The following ZC3HAV1 variants were observed in gnomAD, a reference collection of about 807,000 sequenced individuals.
ZC3HAV1 encodes zinc finger CCCH-type containing, antiviral 1.
Under a neutral mutation model 86.6 loss-of-function variants are expected in ZC3HAV1, and 41 were observed. That is an observed-to-expected ratio of 0.47 (90% CI 0.37 to 0.61). The LOEUF (loss-of-function observed/expected upper bound fraction) is 0.61. Among genes scored for constraint, ZC3HAV1 ranks in the 20% least tolerant of loss-of-function variants. The pLI is 0.00. For synonymous variants in ZC3HAV1, 421 were observed against 432.1 expected, an observed-to-expected ratio of 0.97 and a Z score of 0.32; for missense variants, 964 against 1,141.1, an observed-to-expected ratio of 0.84 and a Z score of 2.24.
In ZC3HAV1 at chr7:139,109,284, G is replaced by A. The variant is rs960207716; in HGVS notation, c.48C>T (p.Ala16=). 1.4e-5 allele frequency: 23 copies of A among 1,610,854 alleles called. No individual in the cohort carries two copies. Among genetic ancestry groups the A allele is most frequent in the Non-Finnish European group, 8.5e-7 (1 of 1,179,260 alleles). The part of the protein sequence containing the change: ...VCCFITKILC[A]HGGRMALDAL... ...CGTCCAGGGCCATGCGGCCCCCGTG[G>A]GCGCACAGGATTTTGGTGATGAAGC... Residue 16 remains alanine (A), a synonymous_variant, in exon 1 of 13, where the codon GCC becomes GCT. Coordinates refer to ENST00000242351, the MANE Select transcript of ZC3HAV1 (RefSeq NM_020119.4).
At chr7:139,053,935 G>T (rs776007931) in intron 11 of ZC3HAV1, 30 bp downstream of exon 11, 1 of 1,589,704 alleles carries the variant, frequency 6.3e-7, no homozygotes, top group Admixed American at 1.9e-5. Context: ...CCGGTTTTAT[G>T]TAAAGAAACA....
chr7:139,070,928 G>T (rs1335075368), intron 7 of ZC3HAV1, among the ~76,000 whole-genome samples: 1 of 151,616 alleles, frequency 6.6e-6, no homozygotes, highest in East Asian at 1.9e-4. Flanking sequence ...GCTGCAGTGA[G>T]CCGAGATCAC....
In ZC3HAV1 at chr7:139,047,382, G is replaced by T. The variant is rs983516944; in HGVS notation, c.*212C>A. On this transcript the variant is annotated 3_prime_UTR_variant, in exon 13 of 13. Coordinates refer to ENST00000242351, the MANE Select transcript of ZC3HAV1 (RefSeq NM_020119.4). Reference sequence around the variant, plus strand: ...CTGCCTGGCGCTGACGCCCAGAAATGATTTCATTGGCATGGGGTGCAACCT... The same window carrying T: ...CTGCCTGGCGCTGACGCCCAGAAATTATTTCATTGGCATGGGGTGCAACCT... 6 of 524,336 alleles carry T rather than the reference G, an allele frequency of 1.1e-5. No individual in the cohort carries two copies. The highest frequency in any genetic ancestry group is 4.0e-5 in the Admixed American group (1 of 24,870). The allele number at this position is 524,336 out of a possible 1,614,324, so 32.5% of individuals were successfully genotyped here.
At position 139,084,116 on chromosome 7, in the gene ZC3HAV1, A is replaced by G. The variant is rs969527669; in HGVS notation, c.445-84T>C. 7.2e-6 allele frequency: 11 copies of G among 1,535,988 alleles called. No individual in the cohort carries two copies. In the African/African-American group the frequency reaches 1.5e-4, roughly 21 times the overall value. On this transcript the variant is annotated intron_variant, in intron 2 of 12. Transcript: ENST00000242351. ...TCATTAAGGCAAGCTCACGTGTGCA[A>G]AAATCTCTGAAGCAAGCAGAGATAT...
At chr7:139,092,392 G>A (rs1033782927) in intron 1 of ZC3HAV1, among the ~76,000 whole-genome samples, 1 of 152,216 alleles carries the variant, frequency 6.6e-6, no homozygotes, top group African/African-American at 2.4e-5. Flanking sequence ...AGAGTCTAAA[G>A]ACAGGGTTAG....
intron 2 of ZC3HAV1, among the ~76,000 whole-genome samples, chr7:139,087,473 G>A (rs1817304397): frequency 6.7e-6 from 1 of 150,374 alleles, no homozygotes; most frequent in African/African-American, 2.4e-5. Flanking sequence ...GAGGGAGACA[G>A]AGAGAGAGAG....
chr7:139,096,676 T>C (rs4728461), intron 1 of ZC3HAV1, among the ~76,000 whole-genome samples: 39,523 of 152,050 alleles, frequency 0.26, 5,477 homozygotes, highest in East Asian at 0.42. Context: ...ATCTTTCATT[T>C]ATTCAGAACT....
intron 5 of ZC3HAV1, 21 bp downstream of exon 5, chr7:139,078,531 A>G (rs756555450): frequency 6.4e-7 from 1 of 1,566,566 alleles, no homozygotes; most frequent in Non-Finnish European, 8.7e-7. Context: ...AAGCTTACAG[A>G]AAAGTCCTTA....
chr7:139,103,742 T>C (rs1817845055), intron 1 of ZC3HAV1, among the ~76,000 whole-genome samples: 1 of 152,192 alleles, frequency 6.6e-6, no homozygotes, highest in Non-Finnish European at 1.5e-5. Context: ...TATCCATTAC[T>C]GGGGGGAATA....
At chr7:139,056,749 G>A (rs1816298601) in intron 9 of ZC3HAV1, among the ~76,000 whole-genome samples, 1 of 152,088 alleles carries the variant, frequency 6.6e-6, no homozygotes, top group African/African-American at 2.4e-5. Context: ...AAAAGTAGAG[G>A]AGGGGAAACT....
chr7:139,081,860 G>C (rs1162072473), intron 3 of ZC3HAV1, among the ~76,000 whole-genome samples: 1 of 152,178 alleles, frequency 6.6e-6, no homozygotes, highest in East Asian at 1.9e-4. Flanking sequence ...AATTTGCACA[G>C]AATCCTAGAA....
At chr7:139,098,477 C>G (rs7786094) in intron 1 of ZC3HAV1, among the ~76,000 whole-genome samples, 45,511 of 151,904 alleles carry the variant, frequency 0.3, 7,812 homozygotes, top group African/African-American at 0.47. Context: ...CTTTTAGCTT[C>G]ATTTTCTAAA....
At chr7:139,098,674 A>G (rs913846982) in intron 1 of ZC3HAV1, among the ~76,000 whole-genome samples, 1 of 152,328 alleles carries the variant, frequency 6.6e-6, no homozygotes, top group South Asian at 2.1e-4. Context: ...AAAATAATAC[A>G]TAAAAAATAA....
chr7:139,083,819 T>C lies in ZC3HAV1; in HGVS notation c.658A>G (p.Asn220Asp), dbSNP rs1427049153. 9 of 1,613,844 alleles carry C rather than the reference T, an allele frequency of 5.6e-6. No homozygotes were observed. The highest frequency in any genetic ancestry group is 1.3e-5 in the African/African-American group (1 of 74,990). The stretch of plus-strand genomic sequence containing the variant: ...GGATTCTTCTGCATGTGCTTGCTGT[T>C]GCAGATGTCCTGGATGTTCTGGACC... ...DVVQNIQDIC[N>D]SKHMQKNPPG... The change falls in exon 3 of 13, where the codon AAC becomes GAC. Residue 220 changes from asparagine (N) to aspartate (D), a missense_variant. Transcript: ENST00000242351.
At chr7:139,089,793 A>G in intron 1 of ZC3HAV1, 34 bp from the exon 2 acceptor site, 1 of 1,578,732 alleles carries the variant, frequency 6.3e-7, no homozygotes, top group East Asian at 2.3e-5. Context: ...CAGTATTTCT[A>G]CTACACAGAT....
intron 7 of ZC3HAV1, among the ~76,000 whole-genome samples, chr7:139,067,240 C>T (rs1816632183): frequency 6.6e-6 from 1 of 152,094 alleles, no homozygotes; most frequent in Non-Finnish European, 1.5e-5. Context: ...CCTCCGCCTC[C>T]TGGGTTCAAG....
chr7:139,108,853 C>G lies in ZC3HAV1; in HGVS notation c.308+171G>C, dbSNP rs1450962899. On this transcript the variant is annotated intron_variant, in intron 1 of 12. Transcript: ENST00000242351. This position sits in a 1 kb window ranked among gnomAD's most constrained non-coding sequence, Gnocchi z 4.2. Reference sequence around the variant, plus strand: ...AGGAAGGGAACTGCAAAGGTAGAAGCGCGGGCCCTGCAGAGGCTCCCAGAG... The same window carrying G: ...AGGAAGGGAACTGCAAAGGTAGAAGGGCGGGCCCTGCAGAGGCTCCCAGAG... 6.6e-6 allele frequency among the ~76,000 whole-genome samples: 1 copy of G among 152,202 alleles called. No homozygotes were observed. The highest frequency in any genetic ancestry group is 1.5e-5 in the Non-Finnish European group (1 of 68,042).
intron 1 of ZC3HAV1, among the ~76,000 whole-genome samples, chr7:139,093,865 G>A (rs1315394525): frequency 1.3e-5 from 2 of 152,188 alleles, no homozygotes; most frequent in Non-Finnish European, 2.9e-5. Flanking sequence ...CACGATCAGA[G>A]CTTGAAGGGG....
intron 6 of ZC3HAV1, among the ~76,000 whole-genome samples, chr7:139,074,784 T>C (rs1816886514): frequency 6.6e-6 from 1 of 152,166 alleles, no homozygotes; most frequent in Non-Finnish European, 1.5e-5. Context: ...TTCATTATGT[T>C]AACATATAGC....
Sources: gnomAD v4.1 joint callset for allele counts (sites outside exome capture counted in the v4.1 genomes callset) on GRCh38, gnomAD v4.1.1 for gene constraint, Gnocchi (gnomAD v3.1) non-coding constraint, MANE v1.5 for transcripts, NCBI Gene and HGNC (gene_info 2026-07-23, HGNC 2026-07-21) for gene names.